Variants in RANBP2 observed in about 807,000 individuals in gnomAD.
The protein encoded by RANBP2 is E3 SUMO-protein ligase RanBP2.
A neutral mutation model predicts 303.6 loss-of-function variants in RANBP2; 57 were observed. That is an observed-to-expected ratio of 0.19 (90% confidence interval 0.15 to 0.23). RANBP2 has a LOEUF of 0.23. Among genes scored for constraint, RANBP2 ranks in the 10% least tolerant of loss-of-function variants. The probability of loss-of-function intolerance (pLI) is 1.00; values close to 1 mark genes in which losing one functional copy is unlikely to be tolerated. For synonymous variants in RANBP2, 1,167 were observed against 1,301.5 expected (o/e 0.90, Z 2.23); for missense variants, 3,138 against 3,780.8 (o/e 0.83, Z 4.46).
At chr2:109,586,478 A>G in the RANBP2 span, among the ~76,000 whole-genome samples, 1 of 152,168 alleles carries the variant, frequency 6.6e-6, no homozygotes, top group Non-Finnish European at 1.5e-5. Context: ...TTATAGTCTT[A>G]ATGGGTTAAG....
downstream of RANBP2, among the ~76,000 whole-genome samples, chr2:108,787,528 G>T (rs989332276): frequency 7.2e-5 from 11 of 151,990 alleles, 1 homozygote; most frequent in Non-Finnish European, 1.5e-5. Flanking sequence ...ATTTAGAATT[G>T]GTATAATATT....
chr2:109,274,307 A>C, the RANBP2 span, among the ~76,000 whole-genome samples: 4 of 152,234 alleles, frequency 2.6e-5, no homozygotes, highest in Non-Finnish European at 4.4e-5. Context: ...AAGAATTAAA[A>C]AACAGGTGGT....
At chr2:109,249,512 TCTTTCTTTTTC>T in the RANBP2 span, among the ~76,000 whole-genome samples, 1 of 46,380 alleles carries the variant, frequency 2.2e-5, no homozygotes, top group Non-Finnish European at 4.0e-5. Context: ...TTTCTTTCAT[TCTTTCTTTTTC>T]TTTCTTTCTT....
chr2:109,469,429 GCT>G, the RANBP2 span, among the ~76,000 whole-genome samples: 1 of 152,190 alleles, frequency 6.6e-6, no homozygotes, highest in Non-Finnish European at 1.5e-5. Flanking sequence ...TGCATCCGCT[GCT>G]CTGTCGAGGA....
At chr2:109,125,400 C>T in the RANBP2 span, among the ~76,000 whole-genome samples, 35 of 152,206 alleles carry the variant, frequency 2.3e-4, no homozygotes, top group Non-Finnish European at 3.2e-4. Context: ...GACATACAGC[C>T]GTCCAGTCCT....
chr2:109,479,697 G>T, the RANBP2 span, among the ~76,000 whole-genome samples: 1 of 152,122 alleles, frequency 6.6e-6, no homozygotes, highest in Non-Finnish European at 1.5e-5. Flanking sequence ...TGAATTAAAT[G>T]ATCATTTTCT....
At chr2:109,649,080 C>T in the RANBP2 span, among the ~76,000 whole-genome samples, 1 of 152,004 alleles carries the variant, frequency 6.6e-6, no homozygotes, top group Non-Finnish European at 1.5e-5. Flanking sequence ...ACTTTCACCC[C>T]AAAAAGACAA....
downstream of RANBP2, among the ~76,000 whole-genome samples, chr2:108,786,126 T>C (rs1230765226): frequency 7.1e-6 from 1 of 140,004 alleles, no homozygotes; most frequent in Admixed American, 6.9e-5. Context: ...GCTTTTTTCT[T>C]TTCAAAAAAA....
chr2:109,104,458 G>C, the RANBP2 span, among the ~76,000 whole-genome samples: 5 of 151,608 alleles, frequency 3.3e-5, no homozygotes, highest in East Asian at 9.9e-4. Flanking sequence ...TGAGGGGAGG[G>C]ATTAGGTTTT....
At chr2:109,478,615 T>C in the RANBP2 span, among the ~76,000 whole-genome samples, 5 of 152,338 alleles carry the variant, frequency 3.3e-5, no homozygotes, top group South Asian at 1.0e-3. Flanking sequence ...CTGTCAACTT[T>C]TCCTAAGAAG....
At chr2:109,529,689 G>T in the RANBP2 span, among the ~76,000 whole-genome samples, 1 of 152,222 alleles carries the variant, frequency 6.6e-6, no homozygotes, top group Non-Finnish European at 1.5e-5. Flanking sequence ...TTGAGGGGCG[G>T]CTGGGCAGGA....
the RANBP2 span, among the ~76,000 whole-genome samples, chr2:109,403,107 A>C: frequency 2.0e-5 from 3 of 150,264 alleles, no homozygotes; most frequent in African/African-American, 7.6e-5. Context: ...TAAAATAGAA[A>C]GGAAGCGTGC....
At chr2:109,422,246 T>C in the RANBP2 span, among the ~76,000 whole-genome samples, 1 of 152,200 alleles carries the variant, frequency 6.6e-6, no homozygotes, top group African/African-American at 2.4e-5. Flanking sequence ...GAATGATGGC[T>C]TGGGGACTCC....
At chr2:109,712,535 G>A in the RANBP2 span, among the ~76,000 whole-genome samples, 3 of 152,158 alleles carry the variant, frequency 2.0e-5, no homozygotes, top group East Asian at 1.9e-4. Flanking sequence ...GGGTTCAAGC[G>A]ATTCTCCTGC....
the RANBP2 span, chr2:109,347,875 C>T: frequency 6.2e-7 from 1 of 1,613,104 alleles, no homozygotes; most frequent in Non-Finnish European, 8.5e-7. Flanking sequence ...ACACGCCCCG[C>T]CCCAGGGAAA....
the RANBP2 span, among the ~76,000 whole-genome samples, chr2:109,439,977 A>G: frequency 2.6e-5 from 4 of 152,178 alleles, no homozygotes; most frequent in Non-Finnish European, 4.4e-5. Flanking sequence ...GCATATGGAA[A>G]GTTTTCAAGA....
chr2:109,678,153 C>G, the RANBP2 span, among the ~76,000 whole-genome samples: 1 of 152,240 alleles, frequency 6.6e-6, no homozygotes. Flanking sequence ...GCAATTCTTA[C>G]AGCAAGAGTT....
the RANBP2 span, among the ~76,000 whole-genome samples, chr2:109,070,014 AG>A: frequency 6.6e-6 from 1 of 152,242 alleles, no homozygotes; most frequent in Non-Finnish European, 1.5e-5. Context: ...TTCATCTCAA[AG>A]GAAGGCCATT....
chr2:109,038,249 G>C, the RANBP2 span, among the ~76,000 whole-genome samples: 1 of 152,186 alleles, frequency 6.6e-6, no homozygotes, highest in Non-Finnish European at 1.5e-5. Context: ...AATGAACCTT[G>C]ACTTGTCTCA....
Sources: gnomAD v4.1 joint callset for allele counts (sites outside exome capture counted in the v4.1 genomes callset) on GRCh38, gnomAD v4.1.1 for gene constraint, MANE v1.5 for transcripts, NCBI Gene and HGNC (gene_info 2026-07-23, HGNC 2026-07-21) for gene names.